The following TMEM67 variants were observed in gnomAD, a reference collection of about 807,000 sequenced individuals.
TMEM67 encodes the protein transmembrane protein 67, also known as meckelin.
In TMEM67, 124 loss-of-function variants were observed where a neutral mutation model predicts 136.6. That is an observed-to-expected ratio of 0.91 (90% CI 0.78 to 1.05). The LOEUF (loss-of-function observed/expected upper bound fraction) is 1.05. Among genes scored for constraint, TMEM67 ranks in the 50% least tolerant of loss-of-function variants. The pLI is 0.00. For synonymous variants in TMEM67, 364 were observed against 390.5 expected, an observed-to-expected ratio of 0.93 and a Z score of 0.80; for missense variants, 1,107 against 1,178.4, an observed-to-expected ratio of 0.94 and a Z score of 0.89.
At chr8:93,796,008 T>C (rs1364609963) in intron 18 of TMEM67, 21 bp downstream of exon 18, 1 of 1,540,988 alleles carries the variant, frequency 6.5e-7, no homozygotes, top group Non-Finnish European at 9.0e-7. Flanking sequence ...AAGGACAGGT[T>C]ACCAAATTTA....
In TMEM67 at chr8:93,804,877, C is replaced by T. The variant is rs199874479; in HGVS notation, c.2438C>T (p.Ala813Val). The T allele has an allele frequency of 1.8e-5, 28 of 1,513,882 alleles. No individual in the cohort carries two copies. Among genetic ancestry groups the T allele is most frequent in the South Asian group, 2.2e-5 (2 of 89,038 alleles). The allele number at this position is 1,513,882 out of a possible 1,614,324, so 93.8% of individuals were successfully genotyped here. A position where few individuals can be genotyped will look rare whatever the true frequency, so the allele number is the denominator to read the frequency against. Residue 813 changes from alanine to valine, a missense_variant and splice_region_variant, in exon 23 of 28, where the codon GCG (alanine) becomes GTG (valine). This residue lies in a region of TMEM67 where 925 missense variants were observed against 1,002.4 expected (regional missense o/e 0.92). Coordinates refer to ENST00000453321, the MANE Select transcript of TMEM67 (RefSeq NM_153704.6). ...EEMNMNLKRE[A>V]ENLCSQRGLV... is the part of the protein sequence containing the mutation. Reference sequence around the variant, plus strand: ...ATGAATATGAACCTTAAAAGAGAAGCGGTATGAAAATGTTTTACATCTTTT... The same window carrying T: ...ATGAATATGAACCTTAAAAGAGAAGTGGTATGAAAATGTTTTACATCTTTT...
intron 7 of TMEM67, among the ~76,000 whole-genome samples, chr8:93,779,380 A>C (rs183502873): frequency 1.2e-4 from 19 of 152,270 alleles, no homozygotes; most frequent in African/African-American, 4.3e-4. Flanking sequence ...GTCATTCTCC[A>C]TCCAGCTTTG....
intron 26 of TMEM67, among the ~76,000 whole-genome samples, chr8:93,813,313 G>A (rs1170974228): frequency 6.6e-6 from 1 of 151,970 alleles, no homozygotes; most frequent in African/African-American, 2.4e-5. Context: ...CAAGTAGCTG[G>A]GATTACAGGC....
chr8:93,823,889 T>G (rs1809075179), downstream of TMEM67, among the ~76,000 whole-genome samples: 1 of 152,028 alleles, frequency 6.6e-6, no homozygotes, highest in African/African-American at 2.4e-5. Context: ...TGAACAGTTC[T>G]CATTTTTTAG....
At chr8:93,776,855 T>A (rs1446273243) in intron 7 of TMEM67, among the ~76,000 whole-genome samples, 1 of 152,268 alleles carries the variant, frequency 6.6e-6, no homozygotes, top group Admixed American at 6.5e-5. Flanking sequence ...ATCAGGATGA[T>A]GCTGGCCTCA....
intron 2 of TMEM67, among the ~76,000 whole-genome samples, chr8:93,758,147 T>TTTGTG (rs202105297): frequency 6.6e-6 from 1 of 152,210 alleles, no homozygotes. Flanking sequence ...ATTCAATCTT[T>TTTGTG]TTGTGTTGTG....
chr8:93,786,080 A>G (rs58733404), intron 12 of TMEM67, 143 bp from the exon 13 acceptor site: 2 of 753,940 alleles, frequency 2.7e-6, no homozygotes, highest in Non-Finnish European at 4.3e-6. Context: ...TCTAAAAAAA[A>G]CAAAAGAAGA....
chr8:93,781,438 T>C (rs939596858), intron 9 of TMEM67, among the ~76,000 whole-genome samples: 1 of 152,200 alleles, frequency 6.6e-6, no homozygotes, highest in Non-Finnish European at 1.5e-5. Flanking sequence ...CTGTCACTAG[T>C]GCTGCCTCTC....
At chr8:93,759,890 C>T (rs1812747754) in intron 3 of TMEM67, 1 of 1,178,610 alleles carries the variant, frequency 8.5e-7, no homozygotes, top group African/African-American at 1.6e-5. Context: ...CTCAGGTGAT[C>T]TGCCTGCCTC....
downstream of TMEM67, among the ~76,000 whole-genome samples, chr8:93,820,857 A>G (rs1207833775): frequency 6.6e-6 from 1 of 152,208 alleles, no homozygotes; most frequent in African/African-American, 2.4e-5. Flanking sequence ...GTGTGCTAGA[A>G]GTAGCAATAG....
intron 1 of TMEM67, 26 bp from the exon 2 acceptor site, chr8:93,755,750 GCT>G: frequency 5.0e-6 from 5 of 1,001,026 alleles, no homozygotes; most frequent in Admixed American, 5.0e-5. Context: ...GATAAAATTG[GCT>G]TTTTTTTTTT....
intron 7 of TMEM67, among the ~76,000 whole-genome samples, chr8:93,779,683 C>G (rs188185116): frequency 1.2e-4 from 19 of 152,264 alleles, no homozygotes; most frequent in African/African-American, 4.3e-4. Flanking sequence ...CGCTGTTTTC[C>G]TGGATATTAC....
intron 26 of TMEM67, 152 bp from the exon 27 acceptor site, chr8:93,815,153 G>T (rs980872010): frequency 8.0e-6 from 4 of 500,668 alleles, no homozygotes; most frequent in Non-Finnish European, 1.3e-5. Flanking sequence ...ATCTTAAAAT[G>T]TTTGTTTATT....
At chr8:93,827,931 T>C in the TMEM67 span, among the ~76,000 whole-genome samples, 1 of 152,170 alleles carries the variant, frequency 6.6e-6, no homozygotes, top group Non-Finnish European at 1.5e-5. Flanking sequence ...GGAATAAACA[T>C]ACTGGTACAC....
downstream of TMEM67, among the ~76,000 whole-genome samples, chr8:93,823,445 G>A (rs189086904): frequency 1.9e-3 from 286 of 151,998 alleles, no homozygotes; most frequent in Admixed American, 2.9e-3. Context: ...GTGTGGGGGC[G>A]TTATTTTGCC....
chr8:93,814,670 A>G (rs77347134), intron 26 of TMEM67, among the ~76,000 whole-genome samples: 85 of 131,362 alleles, frequency 6.5e-4, no homozygotes, highest in Middle Eastern at 3.8e-3. Context: ...TTTTTTTTGT[A>G]GAGATGGAGT....
At chr8:93,762,862 T>C in intron 3 of TMEM67, 2 of 362,760 alleles carry the variant, frequency 5.5e-6, no homozygotes, top group South Asian at 2.1e-5. Context: ...ACAAATATTG[T>C]TCTAGCATAC....
At chr8:93,806,938 A>G (rs927025395) in intron 23 of TMEM67, among the ~76,000 whole-genome samples, 2 of 151,766 alleles carry the variant, frequency 1.3e-5, no homozygotes, top group South Asian at 2.1e-4. Context: ...TTTAACAAAT[A>G]TGACAAAGAA....
chr8:93,807,761 T>C (rs957022499), intron 23 of TMEM67, among the ~76,000 whole-genome samples: 2 of 152,218 alleles, frequency 1.3e-5, no homozygotes, highest in Admixed American at 6.5e-5. Flanking sequence ...TGCCATATTA[T>C]GTTTTCGGGT....
Sources: allele counts gnomAD v4.1 joint callset (sites outside exome capture counted in the v4.1 genomes callset), GRCh38; gene constraint gnomAD v4.1.1; regional missense constraint gnomAD v4.1.1; transcripts MANE v1.5; gene names NCBI Gene and HGNC (gene_info 2026-07-23, HGNC 2026-07-21).